RERG: variants seen among roughly 807,000 people sequenced by gnomAD.
RERG encodes RAS like estrogen regulated growth inhibitor, also known as ras-related and estrogen-regulated growth inhibitor.
RERG carries 25 observed loss-of-function variants against 23.2 expected under a neutral mutation model. The ratio of observed to expected loss-of-function variants is 1.08; its 90% CI spans 0.79 to 1.50. The LOEUF (loss-of-function observed/expected upper bound fraction) is 1.50, where lower values mean the gene tolerates loss of function less well. Among genes scored for constraint, RERG ranks in the 40% most tolerant of loss-of-function variants. The pLI is 0.00. For synonymous variants in RERG, 81 were observed against 89.1 expected (o/e 0.91, Z 0.51); for missense variants, 253 against 250.1 (o/e 1.01, Z -0.08).
At chr12:15,188,846 T>C (rs1263304045) in intron 2 of RERG, among the ~76,000 whole-genome samples, 1 of 152,194 alleles carries the variant, frequency 6.6e-6, no homozygotes, top group Non-Finnish European at 1.5e-5. Context: ...CATGGCTTTC[T>C]GTTCTCTATG....
intron 2 of RERG, among the ~76,000 whole-genome samples, chr12:15,151,737 C>G (rs1306082215): frequency 6.6e-6 from 1 of 152,134 alleles, no homozygotes; most frequent in African/African-American, 2.4e-5. Context: ...TTGGACACCC[C>G]CTAACTCTAA....
At chr12:15,207,734 T>A (rs1159380241) in intron 2 of RERG, among the ~76,000 whole-genome samples, 1 of 149,544 alleles carries the variant, frequency 6.7e-6, no homozygotes, top group African/African-American at 2.6e-5. Flanking sequence ...TTTTTGTAGC[T>A]AGACTATAGA....
chr12:15,122,924 G>A lies in RERG; in HGVS notation c.62-1805C>T, dbSNP rs111349933. The stretch of plus-strand genomic sequence containing the variant: ...AGCAATTCTCCTGCCACAGCCTCCC[G>A]AGTAGCTGGGATTGCAGGCGCGTGC... On this transcript the variant is annotated intron_variant, in intron 2 of 4. Coordinates refer to ENST00000256953, the MANE Select transcript of RERG (RefSeq NM_032918.3). Among the ~76,000 whole-genome samples, 31 of 151,418 alleles carry A rather than the reference G, an allele frequency of 2.0e-4. 1 individual carries two copies. Among genetic ancestry groups the A allele is most frequent in the African/African-American group, 4.4e-4 (18 of 41,246 alleles).
intron 2 of RERG, among the ~76,000 whole-genome samples, chr12:15,160,344 C>A (rs751725811): frequency 6.6e-6 from 1 of 152,146 alleles, no homozygotes; most frequent in East Asian, 1.9e-4. Flanking sequence ...ATGAGGCACA[C>A]AGGGATTGCA....
intron 2 of RERG, among the ~76,000 whole-genome samples, chr12:15,163,349 T>G (rs1336831443): frequency 6.6e-6 from 1 of 152,224 alleles, no homozygotes; most frequent in Non-Finnish European, 1.5e-5. Context: ...GTTGCCCTTG[T>G]TAATTTTCCA....
chr12:15,199,076 ATC>A (rs1865183723), intron 2 of RERG, among the ~76,000 whole-genome samples: 1 of 152,154 alleles, frequency 6.6e-6, no homozygotes, highest in Non-Finnish European at 1.5e-5. Flanking sequence ...AAAGATTCAC[ATC>A]TGTTTCACAT....
intron 2 of RERG, among the ~76,000 whole-genome samples, chr12:15,202,752 A>G (rs1865234950): frequency 6.6e-6 from 1 of 151,724 alleles, no homozygotes; most frequent in African/African-American, 2.4e-5. Flanking sequence ...TAATGCTCCA[A>G]TGCACACTGA....
intron 2 of RERG, among the ~76,000 whole-genome samples, chr12:15,175,333 CTGTGTGTGTGTGTGTGTGTGTG>C (rs532399275): frequency 8.9e-5 from 10 of 112,248 alleles, no homozygotes; most frequent in East Asian, 2.7e-4. Context: ...CTCTCAGGCT[CTGTGTGTGTGTGTGTGTGTGTG>C]TGTGTGTGTG....
intron 2 of RERG, among the ~76,000 whole-genome samples, chr12:15,188,337 G>A (rs1448289500): frequency 6.6e-6 from 1 of 152,116 alleles, no homozygotes; most frequent in Non-Finnish European, 1.5e-5. Flanking sequence ...ACCCAAGCTT[G>A]GGTAACCACT....
intron 2 of RERG, among the ~76,000 whole-genome samples, chr12:15,163,740 G>A (rs77129314): frequency 0.042 from 6,355 of 152,280 alleles, 454 homozygotes; most frequent in African/African-American, 0.14. Context: ...GGTAACCAGA[G>A]CCCAGCATCT....
chr12:15,166,531 G>GGTA (rs1323145941), intron 2 of RERG, among the ~76,000 whole-genome samples: 1 of 151,432 alleles, frequency 6.6e-6, no homozygotes, highest in African/African-American at 2.4e-5. Context: ...TGATGGTGGT[G>GGTA]GTGGTGGTGG....
intron 2 of RERG, among the ~76,000 whole-genome samples, chr12:15,145,274 C>T (rs1017006155): frequency 2.0e-5 from 3 of 152,196 alleles, no homozygotes; most frequent in African/African-American, 7.2e-5. Flanking sequence ...GACTTATACC[C>T]CCTCCCTCTT....
intron 2 of RERG, among the ~76,000 whole-genome samples, chr12:15,196,938 G>T (rs1210883399): frequency 1.3e-5 from 2 of 152,130 alleles, no homozygotes; most frequent in African/African-American, 4.8e-5. Context: ...CTAATTGTTA[G>T]TATCTCATGA....
At chr12:15,137,492 C>A (rs10846148) in intron 2 of RERG, among the ~76,000 whole-genome samples, 103,778 of 151,246 alleles carry the variant, frequency 0.69, 35,763 homozygotes, top group Admixed American at 0.75. Context: ...GTTTTACCTG[C>A]GCATTTTATT....
At chr12:15,139,444 A>G (rs559421728) in intron 2 of RERG, among the ~76,000 whole-genome samples, 35 of 152,176 alleles carry the variant, frequency 2.3e-4, no homozygotes, top group Non-Finnish European at 4.6e-4. Flanking sequence ...TGAGTCTTCC[A>G]ATCTGTGAAC....
chr12:15,111,285 C>T lies in RERG; in HGVS notation c.192+59G>A, dbSNP rs185914476. The T allele has an allele frequency of 7.2e-4, 983 of 1,363,076 alleles. 3 individuals are homozygous for T. In the Middle Eastern group the frequency reaches 0.02, roughly 28 times the overall value. The allele number at this position is 1,363,076 out of a possible 1,614,324, so 84.4% of individuals were successfully genotyped here. ...AAAAGTGCCTTATTTTTGTTCATAG[C>T]ATAGATTTCTCAGTTTTATTTGATC... On this transcript the variant is annotated intron_variant, in intron 4 of 4. Transcript: ENST00000256953.
At chr12:15,157,847 C>G (rs1323534587) in intron 2 of RERG, among the ~76,000 whole-genome samples, 1 of 152,044 alleles carries the variant, frequency 6.6e-6, no homozygotes, top group Non-Finnish European at 1.5e-5. Flanking sequence ...TTACATAACT[C>G]TCATATTCTG....
intron 2 of RERG, among the ~76,000 whole-genome samples, chr12:15,183,291 G>A (rs369043537): frequency 2.6e-5 from 4 of 152,114 alleles, no homozygotes; most frequent in South Asian, 4.2e-4. Flanking sequence ...ACAAATCTCT[G>A]AGATACGTGG....
chr12:15,109,545 G>C lies in RERG; in HGVS notation c.193-28C>G, dbSNP rs775912243. The C allele has an allele frequency of 3.2e-6, 5 of 1,547,358 alleles. No individual in the cohort carries two copies. The South Asian group carries it at 6.2e-5, about 19-fold the overall frequency. On this transcript the variant is annotated intron_variant, in intron 4 of 4. Transcript: ENST00000256953. ...GTTGGCAAAGAAAAATGGCCGTCAA[G>C]AGACCTGGAAATAATCAAAATATAT...
Sources: gnomAD v4.1 joint callset for allele counts (sites outside exome capture counted in the v4.1 genomes callset) on GRCh38, gnomAD v4.1.1 for gene constraint, MANE v1.5 for transcripts, NCBI Gene and HGNC (gene_info 2026-07-23, HGNC 2026-07-21) for gene names.